The following ARB2A variants were observed in gnomAD, a reference collection of about 807,000 sequenced individuals.
The protein encoded by ARB2A is ARB2 cotranscriptional regulator A.
the ARB2A span, chr5:93,784,311 C>T: frequency 1.0e-6 from 1 of 959,362 alleles, no homozygotes; most frequent in Non-Finnish European, 1.6e-6. Flanking sequence ...GGAGGTGTTA[C>T]AGGTTGGTGG....
chr5:93,767,139 T>C, the ARB2A span, among the ~76,000 whole-genome samples: 2 of 152,036 alleles, frequency 1.3e-5, no homozygotes, highest in South Asian at 2.1e-4. Flanking sequence ...TGTATACACA[T>C]GTAACTAACC....
At chr5:93,801,010 G>T in the ARB2A span, among the ~76,000 whole-genome samples, 1 of 152,060 alleles carries the variant, frequency 6.6e-6, no homozygotes. Context: ...TAAGTAAAAA[G>T]GTACAAATTG....
chr5:93,832,568 C>G, the ARB2A span, among the ~76,000 whole-genome samples: 3 of 152,248 alleles, frequency 2.0e-5, no homozygotes, highest in Admixed American at 2.0e-4. Flanking sequence ...GAGTGCTGGC[C>G]TTAGCTGAGG....
At chr5:94,085,774 C>T in the ARB2A span, among the ~76,000 whole-genome samples, 3 of 152,122 alleles carry the variant, frequency 2.0e-5, no homozygotes, top group Non-Finnish European at 4.4e-5. Flanking sequence ...AGTACATTAA[C>T]AGGGCAAAGA....
chr5:94,090,387 T>C, the ARB2A span, among the ~76,000 whole-genome samples: 11 of 152,316 alleles, frequency 7.2e-5, 1 homozygote, highest in South Asian at 1.5e-3. Context: ...ATCCTGAGAA[T>C]TTGTTGAAGT....
At chr5:93,652,163 G>T in the ARB2A span, among the ~76,000 whole-genome samples, 1 of 152,204 alleles carries the variant, frequency 6.6e-6, no homozygotes. Flanking sequence ...CCCAATGTTG[G>T]TAAGGACATG....
the ARB2A span, among the ~76,000 whole-genome samples, chr5:93,980,915 T>C: frequency 2.0e-5 from 3 of 152,294 alleles, no homozygotes; most frequent in Admixed American, 6.5e-5. Context: ...CTCTCCATTA[T>C]AGTCATATTT....
At chr5:93,679,191 G>A in the ARB2A span, among the ~76,000 whole-genome samples, 1 of 151,910 alleles carries the variant, frequency 6.6e-6, no homozygotes, top group Non-Finnish European at 1.5e-5. Context: ...TATAATTAGT[G>A]TTCTTGGGAC....
chr5:93,816,137 T>C, the ARB2A span, among the ~76,000 whole-genome samples: 1 of 152,208 alleles, frequency 6.6e-6, no homozygotes, highest in Non-Finnish European at 1.5e-5. Context: ...ATAGCTTTGA[T>C]TGTGAATTCT....
chr5:93,784,562 C>G, the ARB2A span: 2 of 1,187,530 alleles, frequency 1.7e-6, no homozygotes, highest in South Asian at 1.3e-5. Context: ...GTGCAGCCTG[C>G]TTAGTCAGAG....
At chr5:93,770,991 G>A in the ARB2A span, among the ~76,000 whole-genome samples, 11 of 152,058 alleles carry the variant, frequency 7.2e-5, no homozygotes, top group South Asian at 1.9e-3. Context: ...AGCCCACATC[G>A]CCAAGTTAAT....
chr5:93,691,415 A>T, the ARB2A span, among the ~76,000 whole-genome samples: 1 of 151,996 alleles, frequency 6.6e-6, no homozygotes, highest in African/African-American at 2.4e-5. Flanking sequence ...ATCAAGCAGA[A>T]GGAAGGATAT....
At chr5:93,670,350 C>G in the ARB2A span, among the ~76,000 whole-genome samples, 2 of 152,232 alleles carry the variant, frequency 1.3e-5, no homozygotes, top group Non-Finnish European at 2.9e-5. Context: ...CTCCAAGGCT[C>G]TAAGCAATGT....
the ARB2A span, among the ~76,000 whole-genome samples, chr5:94,020,531 T>G: frequency 1.2e-4 from 18 of 152,162 alleles, no homozygotes; most frequent in Non-Finnish European, 2.2e-4. Flanking sequence ...ATTGCCTGGG[T>G]AGGAGTCACT....
chr5:94,099,440 C>T, the ARB2A span, among the ~76,000 whole-genome samples: 7 of 151,374 alleles, frequency 4.6e-5, no homozygotes, highest in South Asian at 2.1e-4. Flanking sequence ...TTGGCTAACA[C>T]GGAGAAACCC....
chr5:94,083,436 T>C, the ARB2A span, among the ~76,000 whole-genome samples: 19 of 152,130 alleles, frequency 1.2e-4, no homozygotes, highest in African/African-American at 4.6e-4. Flanking sequence ...AACTTCAATA[T>C]CTACAGAAAA....
At chr5:94,090,295 T>C in the ARB2A span, among the ~76,000 whole-genome samples, 2 of 152,182 alleles carry the variant, frequency 1.3e-5, no homozygotes, top group African/African-American at 2.4e-5. Flanking sequence ...CAATTGTGAA[T>C]GGGAATTCAC....
chr5:93,683,290 A>T, the ARB2A span: 1 of 1,603,258 alleles, frequency 6.2e-7, no homozygotes, highest in Admixed American at 1.7e-5. Flanking sequence ...CTCCAGGGGC[A>T]GACCGCTTTC....
At chr5:93,759,721 A>G in the ARB2A span, among the ~76,000 whole-genome samples, 1 of 152,252 alleles carries the variant, frequency 6.6e-6, no homozygotes, top group Non-Finnish European at 1.5e-5. Flanking sequence ...AACTCTCAGC[A>G]AAATTGGCAT....
Sources: allele counts gnomAD v4.1 joint callset (sites outside exome capture counted in the v4.1 genomes callset), GRCh38; gene constraint gnomAD v4.1.1; transcripts MANE v1.5; gene names NCBI Gene and HGNC (gene_info 2026-07-23, HGNC 2026-07-21).